The following MARCHF1 variants were observed in gnomAD, a reference collection of about 807,000 sequenced individuals.
MARCHF1 encodes the protein membrane associated ring-CH-type finger 1.
Under a neutral mutation model 54.2 loss-of-function variants are expected in MARCHF1, and 40 were observed. The ratio of observed to expected loss-of-function variants is 0.74; its 90% CI spans 0.57 to 0.96. The LOEUF is 0.96. MARCHF1 is among the 40% of genes least tolerant of loss of function. MARCHF1 has a pLI of 0.00. For missense variants in MARCHF1, 586 were observed against 656.5 expected (o/e 0.89, Z 1.17); for synonymous variants, 236 against 236.3 (o/e 1.00, Z 0.01).
intron 8 of MARCHF1, among the ~76,000 whole-genome samples, chr4:163,553,205 T>G (rs1254743714): frequency 6.6e-6 from 1 of 152,160 alleles, no homozygotes; most frequent in African/African-American, 2.4e-5. Context: ...CTAAGCAACT[T>G]AATACATGTA....
chr4:164,165,392 C>T (rs541685967), intron 1 of MARCHF1, among the ~76,000 whole-genome samples: 1 of 151,878 alleles, frequency 6.6e-6, no homozygotes, highest in East Asian at 1.9e-4. Context: ...CTGCCTCTGT[C>T]TCTGTCTCTC....
Position 163,737,173 on chromosome 4 carries a change from T to C in MARCHF1, c.112-36310A>G, listed in dbSNP as rs1746063806. On this transcript the variant is annotated intron_variant, in intron 4 of 9. Coordinates refer to ENST00000514618, the MANE Select transcript of MARCHF1 (RefSeq NM_001394959.1). Reference sequence around the variant, plus strand: ...CGCAGCTTTTTTCTTTCTTTTTTTTTTTTTTTTTTCACATATTAGTTTATT... The same window carrying C: ...CGCAGCTTTTTTCTTTCTTTTTTTTCTTTTTTTTTCACATATTAGTTTATT... Among the ~76,000 whole-genome samples, 2 of 73,990 alleles carry C rather than the reference T, an allele frequency of 2.7e-5. 1 individual carries two copies. Among genetic ancestry groups the C allele is most frequent in the Admixed American group, 2.6e-4 (2 of 7,552 alleles). The allele number at this position is 73,990 out of a possible 152,430, so 48.5% of individuals were successfully genotyped here. A position where few individuals can be genotyped will look rare whatever the true frequency, so the allele number is the denominator to read the frequency against.
chr4:163,733,443 CTTCT>C (rs1238347880), intron 4 of MARCHF1, among the ~76,000 whole-genome samples: 2 of 146,556 alleles, frequency 1.4e-5, no homozygotes, highest in African/African-American at 5.0e-5. Context: ...TCAATCTAGC[CTTCT>C]TTTTTTTTAA....
At chr4:163,891,830 G>A (rs2111272248) in intron 3 of MARCHF1, among the ~76,000 whole-genome samples, 1 of 152,196 alleles carries the variant, frequency 6.6e-6, no homozygotes, top group Non-Finnish European at 1.5e-5. Flanking sequence ...AATCCATGAT[G>A]CTCATCTTTC....
chr4:163,601,644 T>C (rs1047220785), intron 7 of MARCHF1, among the ~76,000 whole-genome samples: 1 of 152,198 alleles, frequency 6.6e-6, no homozygotes, highest in East Asian at 1.9e-4. Context: ...TATAGCCTCA[T>C]AACACGTAAA....
At chr4:163,992,478 A>G (rs1752985871) in intron 2 of MARCHF1, among the ~76,000 whole-genome samples, 1 of 152,044 alleles carries the variant, frequency 6.6e-6, no homozygotes, top group Non-Finnish European at 1.5e-5. Context: ...ATACATAAAG[A>G]AAGTCTTAAG....
At chr4:163,801,390 C>T (rs1030584326) in intron 4 of MARCHF1, among the ~76,000 whole-genome samples, 2 of 151,904 alleles carry the variant, frequency 1.3e-5, no homozygotes, top group Non-Finnish European at 2.9e-5. Flanking sequence ...AAAAAAAAAT[C>T]CCTAGACACC....
intron 2 of MARCHF1, among the ~76,000 whole-genome samples, chr4:164,086,336 T>G (rs1198449715): frequency 6.6e-6 from 1 of 151,898 alleles, no homozygotes; most frequent in Non-Finnish European, 1.5e-5. Flanking sequence ...AGAAAAAAAC[T>G]GTGTCTTATA....
intron 3 of MARCHF1, among the ~76,000 whole-genome samples, chr4:163,950,340 C>T (rs779128191): frequency 1.3e-5 from 2 of 152,228 alleles, no homozygotes; most frequent in East Asian, 3.9e-4. Context: ...GTCAGTGCTG[C>T]CTCGAGTGTG....
chr4:164,059,472 A>G (rs796823260), intron 2 of MARCHF1, among the ~76,000 whole-genome samples: 32 of 152,296 alleles, frequency 2.1e-4, no homozygotes, highest in African/African-American at 7.2e-4. Flanking sequence ...TAAAACTGAC[A>G]TATTTTCAAG....
At chr4:164,315,283 A>G (rs1243582067) in intron 1 of MARCHF1, among the ~76,000 whole-genome samples, 2 of 152,032 alleles carry the variant, frequency 1.3e-5, no homozygotes, top group African/African-American at 4.8e-5. Context: ...TTCAATTACA[A>G]TGCCATCTTG....
intron 4 of MARCHF1, among the ~76,000 whole-genome samples, chr4:163,770,521 AACACACACACAC>A (rs36201521): frequency 0.62 from 91,891 of 147,130 alleles, 30,851 homozygotes; most frequent in Non-Finnish European, 0.77. Flanking sequence ...TCCCTCACTG[AACACACACACAC>A]ACACACACAC....
chr4:163,759,005 T>C (rs530339976), intron 4 of MARCHF1, among the ~76,000 whole-genome samples: 1 of 152,286 alleles, frequency 6.6e-6, no homozygotes, highest in Non-Finnish European at 1.5e-5. Flanking sequence ...GTTCCCGTTA[T>C]ATCTTGAAAA....
At chr4:163,987,926 T>G (rs1398867125) in intron 3 of MARCHF1, among the ~76,000 whole-genome samples, 1 of 152,216 alleles carries the variant, frequency 6.6e-6, no homozygotes, top group Non-Finnish European at 1.5e-5. Flanking sequence ...GAAAGCTTTT[T>G]GTCATGAGGA....
rs1579577497 is a variant in MARCHF1, at chr4:164,151,899, T to C, written c.-322-40237A>G. Among the ~76,000 whole-genome samples, 3 of 152,224 alleles carry C rather than the reference T, an allele frequency of 2.0e-5. No individual in the cohort carries two copies. In the East Asian group the frequency reaches 5.8e-4, roughly 29 times the overall value. On this transcript the variant is annotated intron_variant, in intron 1 of 9. Transcript: ENST00000514618. The stretch of plus-strand genomic sequence containing the variant: ...TTTCTTGACCTTTCCAATTATTCAG[T>C]TTTTATTGACCTTTGCCCTTCACAA...
In MARCHF1 at chr4:163,687,097, A is replaced by T. The variant is rs138979552; in HGVS notation, c.162+13716T>A. ...TGTATTTCATTTTTTCTTACTTTAA[A>T]CAAAATCCTTTAAAAATATTGGAAA... On this transcript the variant is annotated intron_variant, in intron 5 of 9. Coordinates refer to ENST00000514618, the MANE Select transcript of MARCHF1 (RefSeq NM_001394959.1). Among the ~76,000 whole-genome samples, 826 of 152,308 alleles carry T rather than the reference A, an allele frequency of 5.4e-3. 11 individuals carry two copies. Among genetic ancestry groups the T allele is most frequent in the African/African-American group, 0.019 (799 of 41,574 alleles).
intron 1 of MARCHF1, among the ~76,000 whole-genome samples, chr4:164,282,433 C>T (rs1734048389): frequency 6.6e-6 from 1 of 150,920 alleles, no homozygotes; most frequent in Non-Finnish European, 1.5e-5. Context: ...AACCAGCAAC[C>T]TTATCATCAC....
At chr4:164,374,289 T>A (rs1405784557) in intron 1 of MARCHF1, among the ~76,000 whole-genome samples, 2 of 152,156 alleles carry the variant, frequency 1.3e-5, no homozygotes, top group Non-Finnish European at 2.9e-5. Flanking sequence ...TTTAATCCAA[T>A]AATTATTAAT....
intron 2 of MARCHF1, among the ~76,000 whole-genome samples, chr4:164,095,182 G>A (rs944368927): frequency 6.6e-6 from 1 of 152,040 alleles, no homozygotes; most frequent in Non-Finnish European, 1.5e-5. Context: ...CAGACTTCAA[G>A]CCCAGAACAG....
Sources: gnomAD v4.1 joint callset for allele counts (sites outside exome capture counted in the v4.1 genomes callset) on GRCh38, gnomAD v4.1.1 for gene constraint, MANE v1.5 for transcripts, NCBI Gene and HGNC (gene_info 2026-07-23, HGNC 2026-07-21) for gene names.